FAM53A: variants seen among roughly 807,000 people sequenced by gnomAD.
The protein encoded by FAM53A is protein FAM53A.
Under a neutral mutation model 26.6 loss-of-function variants are expected in FAM53A, and 28 were observed. The ratio of observed to expected loss-of-function variants is 1.05; its 90% confidence interval spans 0.78 to 1.45. The LOEUF (loss-of-function observed/expected upper bound fraction) is 1.45, where lower values mean the gene tolerates loss of function less well. Ranked by LOEUF, FAM53A falls within the 40% of genes most tolerant of loss-of-function variation. FAM53A has a pLI of 0.00. For synonymous variants in FAM53A, 290 were observed against 253.1 expected, an observed-to-expected ratio of 1.15 and a Z score of -1.38; for missense variants, 650 against 575.8, an observed-to-expected ratio of 1.13 and a Z score of -1.32.
At chr4:1,635,672 C>T (rs985457805), downstream of FAM53A, among the ~76,000 whole-genome samples, 9 of 152,056 alleles carry the variant, frequency 5.9e-5, no homozygotes, top group Non-Finnish European at 1.0e-4. Context: ...GGATCTGCCG[C>T]GCCCACTGCC....
intron 2 of FAM53A, among the ~76,000 whole-genome samples, chr4:1,668,006 G>A (rs1011906794): frequency 6.6e-6 from 1 of 152,248 alleles, no homozygotes; most frequent in Non-Finnish European, 1.5e-5. Context: ...GCGGCTAGGA[G>A]GGGAGGGACA....
chr4:1,656,399 T>C (rs1713384430), intron 3 of FAM53A, among the ~76,000 whole-genome samples: 1 of 152,126 alleles, frequency 6.6e-6, no homozygotes, highest in African/African-American at 2.4e-5. Flanking sequence ...CCCAGTGGCT[T>C]GTGCAGTCAC....
At chr4:1,584,949 G>T in the FAM53A span, among the ~76,000 whole-genome samples, 1 of 152,188 alleles carries the variant, frequency 6.6e-6, no homozygotes, top group South Asian at 2.1e-4. Flanking sequence ...CATGGTATTT[G>T]CAGACTTGTT....
At chr4:1,643,696 G>A (rs893009702) in intron 4 of FAM53A, among the ~76,000 whole-genome samples, 1 of 151,084 alleles carries the variant, frequency 6.6e-6, no homozygotes, top group African/African-American at 2.4e-5. Context: ...CCTCTCAAGT[G>A]GCTGAGACAA....
chr4:1,576,066 G>C, the FAM53A span, among the ~76,000 whole-genome samples: 1 of 152,188 alleles, frequency 6.6e-6, no homozygotes, highest in African/African-American at 2.4e-5. Flanking sequence ...ACCTTAAGTG[G>C]GTTTGATCGG....
chr4:1,655,218 G>C lies in FAM53A; in HGVS notation c.642C>G (p.Cys214Trp). Residue 214 changes from cysteine (C) to tryptophan (W), a missense_variant, in exon 4 of 5, where the codon TGC (cysteine) becomes TGG (tryptophan). By Grantham distance (215) the Cys-to-Trp change is radical. Coordinates refer to ENST00000308132, the MANE Select transcript of FAM53A (RefSeq NM_001174070.3). ...SGPLWCSAES[C>W]LPSTRRRPSL... ...ACGGGCGGCGCCTCGTGGAGGGCAAGCAGGACTCCGCGGAACACCAGAGCG... is the reference window on the plus strand; with the variant it reads ...ACGGGCGGCGCCTCGTGGAGGGCAACCAGGACTCCGCGGAACACCAGAGCG... 1.9e-6 allele frequency: 3 copies of C among 1,548,268 alleles called. No homozygotes were observed. The highest frequency in any genetic ancestry group is 2.6e-6 in the Non-Finnish European group (3 of 1,156,982).
At chr4:1,607,397 G>A in the FAM53A span, among the ~76,000 whole-genome samples, 3 of 151,352 alleles carry the variant, frequency 2.0e-5, no homozygotes, top group African/African-American at 7.3e-5. Context: ...TTATGGAAAC[G>A]TGCGTGCGTA....
At chr4:1,587,198 A>G in the FAM53A span, among the ~76,000 whole-genome samples, 1 of 151,868 alleles carries the variant, frequency 6.6e-6, no homozygotes, top group Non-Finnish European at 1.5e-5. Flanking sequence ...TTGTCTCTTC[A>G]CTCTGCTGAT....
the FAM53A span, among the ~76,000 whole-genome samples, chr4:1,582,622 G>A: frequency 2.0e-5 from 3 of 152,308 alleles, no homozygotes; most frequent in Non-Finnish European, 2.9e-5. Context: ...TTGGGAGGCC[G>A]AGGCGGGAGG....
chr4:1,590,989 T>TATATATATATACACACAC, the FAM53A span, among the ~76,000 whole-genome samples: 18 of 126,818 alleles, frequency 1.4e-4, no homozygotes, highest in African/African-American at 6.2e-4. Context: ...TATATATATA[T>TATATATATATACACACAC]ATATATATAT....
chr4:1,670,373 C>T (rs1038944433), intron 1 of FAM53A, among the ~76,000 whole-genome samples: 38 of 152,362 alleles, frequency 2.5e-4, no homozygotes, highest in African/African-American at 6.5e-4. Context: ...ACAGCAGCGA[C>T]GCGCACAGTG....
At chr4:1,599,460 G>T in the FAM53A span, among the ~76,000 whole-genome samples, 1 of 152,216 alleles carries the variant, frequency 6.6e-6, no homozygotes. This position sits in a 1 kb window ranked among gnomAD's most constrained non-coding sequence, Gnocchi z 6.1. Context: ...CAAATGAGTG[G>T]CCCCAGGCCC....
chr4:1,681,570 C>T (rs1414123336), intron 1 of FAM53A, among the ~76,000 whole-genome samples: 1 of 149,650 alleles, frequency 6.7e-6, no homozygotes, highest in Non-Finnish European at 1.5e-5. Context: ...TGCCTAGGCT[C>T]ACTGCAGCCT....
intron 4 of FAM53A, among the ~76,000 whole-genome samples, chr4:1,648,296 G>A (rs2108849167): frequency 6.6e-6 from 1 of 152,324 alleles, no homozygotes; most frequent in East Asian, 1.9e-4. Flanking sequence ...TTCAGGTGAT[G>A]CGGTGCAGGC....
the FAM53A span, among the ~76,000 whole-genome samples, chr4:1,585,983 C>G: frequency 6.6e-6 from 1 of 151,424 alleles, no homozygotes; most frequent in Non-Finnish European, 1.5e-5. Context: ...GCAATCCTCC[C>G]GCCTCAGCCT....
At chr4:1,662,095 G>C (rs1713874611) in intron 2 of FAM53A, among the ~76,000 whole-genome samples, 1 of 152,078 alleles carries the variant, frequency 6.6e-6, no homozygotes, top group African/African-American at 2.4e-5. Flanking sequence ...TTGGGAGGCT[G>C]AGGCGGGAGG....
chr4:1,651,652 GA>G (rs764703539), intron 4 of FAM53A, among the ~76,000 whole-genome samples: 168 of 152,130 alleles, frequency 1.1e-3, no homozygotes, highest in Non-Finnish European at 1.4e-3. Context: ...AAGGAGGACT[GA>G]ATCACAGAAA....
At chr4:1,682,402 A>G (rs1446622691) in intron 1 of FAM53A, among the ~76,000 whole-genome samples, 2 of 151,312 alleles carry the variant, frequency 1.3e-5, no homozygotes, top group African/African-American at 2.4e-5. Context: ...AGCTGGGATT[A>G]CAGGCACGCA....
intron 2 of FAM53A, among the ~76,000 whole-genome samples, chr4:1,660,551 C>T (rs1340413332): frequency 2.6e-5 from 4 of 152,004 alleles, no homozygotes; most frequent in East Asian, 1.9e-4. Context: ...GAGTGCACTG[C>T]GCTCCAGCCT....
Sources: gnomAD v4.1 joint callset for allele counts (sites outside exome capture counted in the v4.1 genomes callset) on GRCh38, gnomAD v4.1.1 for gene constraint, Gnocchi (gnomAD v3.1) non-coding constraint, MANE v1.5 for transcripts, NCBI Gene and HGNC (gene_info 2026-07-23, HGNC 2026-07-21) for gene names.